The following CPLANE2 variants were observed in gnomAD, a reference collection of about 807,000 sequenced individuals.
CPLANE2 encodes the protein ciliogenesis and planar polarity effector 2.
CPLANE2 carries 24 observed loss-of-function variants against 20.9 expected under a neutral mutation model. The ratio of observed to expected loss-of-function variants is 1.15; its 90% CI spans 0.83 to 1.61. The LOEUF is 1.61. Ranked by LOEUF, CPLANE2 falls within the 40% of genes most tolerant of loss-of-function variation. The pLI, the probability that CPLANE2 is intolerant of heterozygous loss-of-function variation, is 0.00. For missense variants in CPLANE2, 330 were observed against 355.1 expected (o/e 0.93, Z 0.57); for synonymous variants, 132 against 144.3 (o/e 0.92, Z 0.61).
intron 1 of CPLANE2, among the ~76,000 whole-genome samples, chr1:16,234,237 A>C (rs185646507): frequency 1.3e-5 from 2 of 151,108 alleles, no homozygotes; most frequent in African/African-American, 4.9e-5. Flanking sequence ...CCATCTCTAC[A>C]AAAAAAAATA....
At position 16,233,668 on chromosome 1, in the gene CPLANE2, G is replaced by A. The variant is rs370908519; in HGVS notation, c.209C>T (p.Ala70Val). The A allele has an allele frequency of 1.5e-5, 25 of 1,614,058 alleles. No homozygotes were observed. The highest frequency in any genetic ancestry group is 3.3e-4 in the Middle Eastern group (2 of 6,082). ...CAGGCCAGCCAGCTTGGCCACCAGC[G>A]CCGTCTTGCCCACACCACTCTTCCC... The part of the protein sequence containing the change: ...VSGKSGVGKT[A>V]LVAKLAGLEV... The change falls in exon 2 of 5, where the codon GCG becomes GTG. Residue 70 changes from alanine (A) to valine (V), a missense_variant. Coordinates refer to ENST00000375599, the MANE Select transcript of CPLANE2 (RefSeq NM_030907.4).
rs2081422486 is a variant in CPLANE2 at position 16,231,946 on chromosome 1, G to A, written c.*102C>T. The A allele has an allele frequency of 6.7e-7, 1 of 1,489,304 alleles. No individual in the cohort carries two copies. The highest frequency in any genetic ancestry group is 9.1e-7 in the Non-Finnish European group (1 of 1,099,012). The allele number at this position is 1,489,304 out of a possible 1,614,324, so 92.3% of individuals were successfully genotyped here. On this transcript the variant is annotated 3_prime_UTR_variant, in exon 5 of 5. Transcript: ENST00000375599. ...GCCACATCCTCCCTGATCAGGCCAT[G>A]CTGGCCAGTCCTCCAGATAGGATCC...
rs1448428117 is a variant in CPLANE2 at position 16,236,796 on chromosome 1, G to A, written c.-54C>T. On this transcript the variant is annotated 5_prime_UTR_variant, in exon 1 of 5. Coordinates refer to ENST00000375599, the MANE Select transcript of CPLANE2 (RefSeq NM_030907.4). ...TGACAGAATGCTGAGAGCAGGGAGT[G>A]GGAAGGGGAGTGACAGTACCAAGCC... 1.5e-6 allele frequency: 2 copies of A among 1,311,950 alleles called. No homozygotes were observed. The highest frequency in any genetic ancestry group is 2.5e-5 in the East Asian group (1 of 39,852). The allele number at this position is 1,311,950 out of a possible 1,614,324, so 81.3% of individuals were successfully genotyped here. A position where few individuals can be genotyped will look rare whatever the true frequency, so the allele number is the denominator to read the frequency against.
In CPLANE2 at chr1:16,233,744, G is replaced by T; in HGVS notation, c.133C>A (p.Leu45Met). ...GTGTCAATGGACACAGGCGGCAGCA[G>T]CACTGGCCGCTCAAGCAGCCCTAGG... ...RVFGLLERPV[L>M]LPPVSIDTAS... The change falls in exon 2 of 5, where the codon CTG (leucine) becomes ATG (methionine). Residue 45 changes from leucine to methionine, a missense_variant. Leu to Met is a conservative substitution (Grantham distance 15, BLOSUM62 2). Transcript: ENST00000375599. 6.2e-7 allele frequency: 1 copy of T among 1,614,104 alleles called. No individual in the cohort carries two copies. Among genetic ancestry groups the T allele is most frequent in the Non-Finnish European group, 8.5e-7 (1 of 1,180,004 alleles).
intron 2 of CPLANE2, 47 bp downstream of exon 2, chr1:16,233,565 C>G (rs372583145): frequency 2.1e-4 from 338 of 1,606,976 alleles, no homozygotes; most frequent in South Asian, 8.1e-4. Context: ...GCCTCCACCC[C>G]CAAGGAGGGC....
Position 16,231,860 on chromosome 1 carries a change from T to TC in CPLANE2, c.*187dup. 1 of 808,446 alleles carries TC rather than the reference T, an allele frequency of 1.2e-6. No homozygotes were observed. Among genetic ancestry groups the TC allele is most frequent in the East Asian group, 2.7e-5 (1 of 37,184 alleles). The allele number at this position is 808,446 out of a possible 1,614,324, so 50.1% of individuals were successfully genotyped here. On this transcript the variant is annotated 3_prime_UTR_variant, in exon 5 of 5. Coordinates refer to ENST00000375599, the MANE Select transcript of CPLANE2 (RefSeq NM_030907.4). ...GAGATGTTCGAGCTCAGGGCCTTGG[T>TC]CCCCACCTCCCTGCCATGAATTCTG...
At position 16,236,802 on chromosome 1, in the gene CPLANE2, G is replaced by C; in HGVS notation, c.-60C>G. Reference sequence around the variant, plus strand: ...AATGCTGAGAGCAGGGAGTGGGAAGGGGAGTGACAGTACCAAGCCGGGCCT... The same window carrying C: ...AATGCTGAGAGCAGGGAGTGGGAAGCGGAGTGACAGTACCAAGCCGGGCCT... On this transcript the variant is annotated 5_prime_UTR_variant, in exon 1 of 5. Coordinates refer to ENST00000375599, the MANE Select transcript of CPLANE2 (RefSeq NM_030907.4). 3.1e-6 allele frequency: 4 copies of C among 1,272,724 alleles called. No individual in the cohort carries two copies. Among genetic ancestry groups the C allele is most frequent in the African/African-American group, 2.9e-5 (2 of 67,798 alleles). The allele number at this position is 1,272,724 out of a possible 1,614,324, so 78.8% of individuals were successfully genotyped here.
At position 16,235,755 on chromosome 1, in the gene CPLANE2, G is replaced by C. The variant is rs1217193270; in HGVS notation, c.112+876C>G. On this transcript the variant is annotated intron_variant, in intron 1 of 4. Transcript: ENST00000375599. ...GAATGCAATGGCTCGATCTAGGGTT[G>C]CTGCAACCTCTGCCTTCTGTGTTCA... 4.9e-5 allele frequency among the ~76,000 whole-genome samples: 7 copies of C among 142,696 alleles called. No individual in the cohort carries two copies. In the Admixed American group the frequency reaches 5.1e-4, roughly 10 times the overall value. 93.6% of individuals were successfully genotyped at this position (142,696 alleles called of 152,430 possible). A position where few individuals can be genotyped will look rare whatever the true frequency, so the allele number is the denominator to read the frequency against.
intron 3 of CPLANE2, 73 bp downstream of exon 3, chr1:16,232,820 G>A: frequency 3.1e-6 from 5 of 1,591,444 alleles, no homozygotes; most frequent in Non-Finnish European, 4.3e-6. Flanking sequence ...TCAGGTCTCT[G>A]AGCAGTGCCT....
At position 16,236,798 on chromosome 1, in the gene CPLANE2, G is replaced by C; in HGVS notation, c.-56C>G. ...ACAGAATGCTGAGAGCAGGGAGTGG[G>C]AAGGGGAGTGACAGTACCAAGCCGG... On this transcript the variant is annotated 5_prime_UTR_variant, in exon 1 of 5. Coordinates refer to ENST00000375599, the MANE Select transcript of CPLANE2 (RefSeq NM_030907.4). The C allele has an allele frequency of 7.7e-7, 1 of 1,293,112 alleles. No homozygotes were observed. Among genetic ancestry groups the C allele is most frequent in the Non-Finnish European group, 1.1e-6 (1 of 913,442 alleles). The allele number at this position is 1,293,112 out of a possible 1,614,324, so 80.1% of individuals were successfully genotyped here.
At chr1:16,233,942 G>A (rs759537498) in intron 1 of CPLANE2, among the ~76,000 whole-genome samples, 178 bp from the exon 2 acceptor site, 1 of 152,208 alleles carries the variant, frequency 6.6e-6, no homozygotes, top group Non-Finnish European at 1.5e-5. Flanking sequence ...GAGTGGGTTT[G>A]TTATAAAAGC....
rs1482940166 is a variant in CPLANE2 at position 16,232,577 on chromosome 1, G to T, written c.460C>A (p.Leu154Ile). ...GCTATGCGGGCCAGCTGTCCAGGGA[G>T]GTCTTCAAAGGAGGCACGGTCAGTG... ...SFTDRASFED[L>I]PGQLARIAGE... is the part of the protein sequence containing the mutation. The change falls in exon 4 of 5, where the codon CTC becomes ATC. Residue 154 changes from leucine (L) to isoleucine (I), a missense_variant. By Grantham distance (5) the Leu-to-Ile change is conservative. Coordinates refer to ENST00000375599, the MANE Select transcript of CPLANE2 (RefSeq NM_030907.4). 1.9e-6 allele frequency: 3 copies of T among 1,614,054 alleles called. No homozygotes were observed. The East Asian group carries it at 6.7e-5, about 36-fold the overall frequency.
chr1:16,232,105 G>A lies in CPLANE2; in HGVS notation c.720C>T (p.His240=), dbSNP rs374755961. ...ILNGLAEQLW[H]QDQVAAGLLP... ...GCAGGCCAGCCGCCACCTGGTCCTG[G>A]TGCCACAGCTGCTCAGCAAGGCCAT... Residue 240 remains histidine (H), a synonymous_variant, in exon 5 of 5, where the codon CAC becomes CAT. Transcript: ENST00000375599. The A allele has an allele frequency of 5.6e-6, 9 of 1,613,388 alleles. No homozygotes were observed. Among genetic ancestry groups the A allele is most frequent in the South Asian group, 5.5e-5 (5 of 91,076 alleles).
intron 1 of CPLANE2, among the ~76,000 whole-genome samples, chr1:16,235,677 CTTT>C (rs34360746): frequency 0.024 from 2,843 of 117,224 alleles, 87 homozygotes; most frequent in African/African-American, 0.09. Flanking sequence ...ATTAGAGGGT[CTTT>C]TTTTTTTTTT....
rs2100399049 is a variant in CPLANE2 at position 16,236,845 on chromosome 1, C to A, written c.-103G>T. 5.9e-6 allele frequency: 5 copies of A among 844,234 alleles called. No individual in the cohort carries two copies. Among genetic ancestry groups the A allele is most frequent in the Non-Finnish European group, 9.7e-6 (5 of 513,254 alleles). The allele number at this position is 844,234 out of a possible 1,614,324, so 52.3% of individuals were successfully genotyped here. On this transcript the variant is annotated 5_prime_UTR_variant, in exon 1 of 5. Transcript: ENST00000375599. ...CCGGGCCTGTGATCCCTCTTAACTG[C>A]CCTCTGACTCTCCCGGGGGGCCCCA... is the stretch of plus-strand genomic sequence containing the variant.
intron 3 of CPLANE2, 36 bp downstream of exon 3, chr1:16,232,857 C>T (rs2081433496): frequency 1.9e-6 from 3 of 1,612,778 alleles, no homozygotes; most frequent in Non-Finnish European, 1.7e-6. Context: ...CAATCGGCCC[C>T]TGGCAGAACC....
In CPLANE2 at chr1:16,233,014, A is replaced by G. The variant is rs926975093; in HGVS notation, c.269T>C (p.Ile90Thr). 2 of 1,614,116 alleles carry G rather than the reference A, an allele frequency of 1.2e-6. No individual in the cohort carries two copies. The highest frequency in any genetic ancestry group is 1.7e-5 in the Admixed American group (1 of 60,018). Residue 90 changes from isoleucine to threonine, a missense_variant, in exon 3 of 5, where the codon ATC (isoleucine) becomes ACC (threonine). Coordinates refer to ENST00000375599, the MANE Select transcript of CPLANE2 (RefSeq NM_030907.4). ...TGGCCAAAATACCACGGTGGTCTGG[A>G]TGCCTGAGGGGGAGCCAGGGTCAGC... The part of the protein sequence containing the change: ...VPVVHHETTG[I>T]QTTVVFWPAK...
intron 1 of CPLANE2, among the ~76,000 whole-genome samples, chr1:16,235,677 C>CT (rs34360746): frequency 0.069 from 8,036 of 117,218 alleles, 1,108 homozygotes; most frequent in African/African-American, 0.25. Flanking sequence ...ATTAGAGGGT[C>CT]TTTTTTTTTT....
intron 1 of CPLANE2, among the ~76,000 whole-genome samples, chr1:16,235,994 G>T (rs1247335937): frequency 1.3e-5 from 2 of 151,982 alleles, no homozygotes; most frequent in African/African-American, 2.4e-5. Flanking sequence ...GTCATTTTTT[G>T]AATTTAATAT....
Sources: allele counts gnomAD v4.1 joint callset (sites outside exome capture counted in the v4.1 genomes callset), GRCh38; gene constraint gnomAD v4.1.1; transcripts MANE v1.5; gene names NCBI Gene and HGNC (gene_info 2026-07-23, HGNC 2026-07-21).